EFCAB5: variants seen among roughly 807,000 people sequenced by gnomAD.
EFCAB5 encodes EF-hand calcium-binding domain-containing protein 5.
EFCAB5 carries 131 observed loss-of-function variants against 167.9 expected under a neutral mutation model. That is an observed-to-expected ratio of 0.78 (90% confidence interval 0.68 to 0.90). EFCAB5 has a LOEUF of 0.90. Among genes scored for constraint, EFCAB5 ranks in the 40% least tolerant of loss-of-function variants. The pLI is 0.00. For synonymous variants in EFCAB5, 574 were observed against 602.8 expected, an observed-to-expected ratio of 0.95 and a Z score of 0.70; for missense variants, 1,663 against 1,745.2, an observed-to-expected ratio of 0.95 and a Z score of 0.84.
intron 8 of EFCAB5, among the ~76,000 whole-genome samples, chr17:30,043,937 A>G (rs569919148): frequency 8.5e-5 from 13 of 152,340 alleles, no homozygotes; most frequent in Admixed American, 2.6e-4. Context: ...GACAAAAAAT[A>G]GACATCACCA....
chr17:30,031,211 GT>G, intron 7 of EFCAB5, among the ~76,000 whole-genome samples: 1 of 152,122 alleles, frequency 6.6e-6, no homozygotes, highest in East Asian at 1.9e-4. Flanking sequence ...TAGTTCAGTG[GT>G]TCTCAAACTT....
At chr17:30,059,998 C>A (rs993916171) in intron 14 of EFCAB5, 5 of 174,320 alleles carry the variant, frequency 2.9e-5, no homozygotes, top group African/African-American at 1.2e-4. Context: ...TGGCTATAAT[C>A]TTTTAAGTAG....
intron 18 of EFCAB5, among the ~76,000 whole-genome samples, chr17:30,083,466 A>C (rs978513105): frequency 1.3e-5 from 2 of 152,246 alleles, no homozygotes; most frequent in African/African-American, 2.4e-5. Context: ...GGAAAACCCA[A>C]GAAAGAAGAC....
chr17:30,051,216 A>G lies in EFCAB5; in HGVS notation c.1299A>G (p.Gln433=), dbSNP rs1307491631. 7 of 1,613,752 alleles carry G rather than the reference A, an allele frequency of 4.3e-6. No individual in the cohort carries two copies. The highest frequency in any genetic ancestry group is 4.0e-5 in the African/African-American group (3 of 74,924). ...GGAGTTTACTTCGAAACCCACGACAATGTAAGTGCCGCTCAGAGGGAGTAT... is the reference window on the plus strand; with the variant it reads ...GGAGTTTACTTCGAAACCCACGACAGTGTAAGTGCCGCTCAGAGGGAGTAT... ...MLRSLLRNPR[Q]WPFIEFEEIN... Residue 433 remains glutamine (Q), a splice_region_variant and synonymous_variant, in exon 9 of 23, where the codon CAA becomes CAG. Coordinates refer to ENST00000394835, the MANE Select transcript of EFCAB5 (RefSeq NM_198529.4).
intron 8 of EFCAB5, among the ~76,000 whole-genome samples, chr17:30,040,574 T>C (rs1162127842): frequency 1.3e-5 from 2 of 152,244 alleles, no homozygotes; most frequent in African/African-American, 2.4e-5. Flanking sequence ...GTATACTCCT[T>C]AGGTGCTATG....
chr17:30,076,330 A>G (rs6505158), intron 14 of EFCAB5, among the ~76,000 whole-genome samples: 94,554 of 152,190 alleles, frequency 0.62, 31,657 homozygotes, highest in African/African-American at 0.88. Flanking sequence ...ATAGAATGTC[A>G]TGACTGGCTT....
intron 8 of EFCAB5, among the ~76,000 whole-genome samples, chr17:30,047,014 A>G (rs991118844): frequency 1.3e-5 from 2 of 152,220 alleles, no homozygotes; most frequent in African/African-American, 4.8e-5. Context: ...TAGTACTTTC[A>G]GACTAAGAAG....
intron 4 of EFCAB5, among the ~76,000 whole-genome samples, chr17:29,987,230 T>A (rs2068307044): frequency 6.6e-6 from 1 of 152,166 alleles, no homozygotes; most frequent in African/African-American, 2.4e-5. Flanking sequence ...GGTGGCTGTG[T>A]TCGACAGGTG....
chr17:29,958,239 A>C (rs1597580798), intron 3 of EFCAB5, among the ~76,000 whole-genome samples: 2 of 152,062 alleles, frequency 1.3e-5, no homozygotes, highest in East Asian at 3.9e-4. Flanking sequence ...TTTCTACCCA[A>C]ATCTCTCTCT....
chr17:30,073,588 C>T, intron 14 of EFCAB5: 6 of 659,218 alleles, frequency 9.1e-6, no homozygotes, highest in South Asian at 1.7e-5. Flanking sequence ...CCTCAGCATG[C>T]ATATCATTCA....
Position 30,050,750 on chromosome 17 carries a change from T to A in EFCAB5, c.1201-368T>A, listed in dbSNP as rs552175630. 1.8e-3 allele frequency among the ~76,000 whole-genome samples: 278 copies of A among 152,332 alleles called. 1 individual carries two copies. The highest frequency in any genetic ancestry group is 3.4e-3 in the Middle Eastern group (1 of 294). ...CTATATTTTTCTATAATCAAAAAAA[T>A]TTTTTAAAAATAACAATGGAAAAAG... On this transcript the variant is annotated intron_variant, in intron 8 of 22. Transcript: ENST00000394835.
upstream of EFCAB5, among the ~76,000 whole-genome samples, chr17:29,939,080 G>T (rs1029837316): frequency 2.0e-5 from 3 of 152,094 alleles, no homozygotes; most frequent in East Asian, 5.8e-4. Flanking sequence ...AGTTTAAATT[G>T]GTCTTTGATC....
At chr17:29,973,282 T>C (rs1163851309) in intron 4 of EFCAB5, among the ~76,000 whole-genome samples, 1 of 152,192 alleles carries the variant, frequency 6.6e-6, no homozygotes, top group African/African-American at 2.4e-5. Flanking sequence ...AAATCCTTTC[T>C]GCACCAAACT....
At chr17:30,086,221 CA>C (rs1327546884) in intron 18 of EFCAB5, among the ~76,000 whole-genome samples, 1 of 151,996 alleles carries the variant, frequency 6.6e-6, no homozygotes, top group Non-Finnish European at 1.5e-5. Context: ...GTGTTTCCTA[CA>C]GTTACTGTAT....
At chr17:30,060,301 T>A (rs2070392172) in intron 14 of EFCAB5, among the ~76,000 whole-genome samples, 1 of 152,176 alleles carries the variant, frequency 6.6e-6, no homozygotes, top group Admixed American at 6.5e-5. Context: ...TCTTGTTTTA[T>A]CTCTTTGTCT....
intron 7 of EFCAB5, among the ~76,000 whole-genome samples, chr17:30,033,947 A>G (rs978149359): frequency 6.6e-6 from 1 of 152,212 alleles, no homozygotes; most frequent in Non-Finnish European, 1.5e-5. Flanking sequence ...TCATACTGTG[A>G]GGAAAGTCTG....
intron 22 of EFCAB5, among the ~76,000 whole-genome samples, chr17:30,093,541 C>T (rs1161983670): frequency 6.6e-6 from 1 of 152,178 alleles, no homozygotes; most frequent in Non-Finnish European, 1.5e-5. Flanking sequence ...CTAAATCTAT[C>T]CCTTTCCTCC....
At chr17:30,096,480 C>T (rs1262444064) in intron 22 of EFCAB5, among the ~76,000 whole-genome samples, 1 of 151,774 alleles carries the variant, frequency 6.6e-6, no homozygotes, top group Non-Finnish European at 1.5e-5. Context: ...AAGTTCAAGA[C>T]TATGGTGCAC....
At chr17:30,049,148 A>G (rs550979472) in intron 8 of EFCAB5, among the ~76,000 whole-genome samples, 3 of 152,164 alleles carry the variant, frequency 2.0e-5, no homozygotes, top group Non-Finnish European at 4.4e-5. Context: ...GTAGCATTAG[A>G]TACCTTGGTA....
Sources: gnomAD v4.1 joint callset for allele counts (sites outside exome capture counted in the v4.1 genomes callset) on GRCh38, gnomAD v4.1.1 for gene constraint, MANE v1.5 for transcripts, NCBI Gene and HGNC (gene_info 2026-07-23, HGNC 2026-07-21) for gene names.